The following DSCAM variants were observed in gnomAD, a reference collection of about 807,000 sequenced individuals.
DSCAM encodes the protein cell adhesion molecule DSCAM.
In DSCAM, 47 loss-of-function variants were observed where a neutral mutation model predicts 217.7. That is an observed-to-expected ratio of 0.22 (90% CI 0.17 to 0.28). The LOEUF (loss-of-function observed/expected upper bound fraction) is 0.28. DSCAM is among the 10% of genes least tolerant of loss of function. DSCAM has a pLI of 1.00. For synonymous variants in DSCAM, 1,056 were observed against 1,015.3 expected (o/e 1.04, Z -0.76); for missense variants, 2,080 against 2,618.3 (o/e 0.79, Z 4.49).
At chr21:40,412,466 G>T (rs1223578554) in intron 3 of DSCAM, among the ~76,000 whole-genome samples, 2 of 152,198 alleles carry the variant, frequency 1.3e-5, no homozygotes, top group Non-Finnish European at 2.9e-5. Flanking sequence ...ATGGAGATGA[G>T]GAACTTGTTG....
At chr21:40,415,739 A>AG (rs982257527) in intron 3 of DSCAM, among the ~76,000 whole-genome samples, 9 of 152,230 alleles carry the variant, frequency 5.9e-5, no homozygotes, top group Non-Finnish European at 1.3e-4. Flanking sequence ...CAGGCTCCCC[A>AG]GGGGGCCGGT....
At chr21:40,574,983 A>G (rs1165190818) in intron 3 of DSCAM, among the ~76,000 whole-genome samples, 1 of 151,960 alleles carries the variant, frequency 6.6e-6, no homozygotes, top group Non-Finnish European at 1.5e-5. Flanking sequence ...TCTGAGCCCA[A>G]GCTAAGCCAT....
intron 8 of DSCAM, among the ~76,000 whole-genome samples, chr21:40,319,923 A>G (rs1372696598): frequency 2.0e-5 from 3 of 152,240 alleles, no homozygotes; most frequent in East Asian, 1.9e-4. Context: ...GCTGGAAGCC[A>G]TTATCTTCCA....
At chr21:40,402,113 A>T in intron 3 of DSCAM, among the ~76,000 whole-genome samples, 1 of 119,828 alleles carries the variant, frequency 8.3e-6, no homozygotes, top group Middle Eastern at 8.2e-3. Flanking sequence ...GGGCTGGAGT[A>T]CAGTGGTGCC....
At chr21:40,611,057 A>ATTT (rs527262141) in intron 3 of DSCAM, among the ~76,000 whole-genome samples, 44 of 129,798 alleles carry the variant, frequency 3.4e-4, no homozygotes, top group Admixed American at 1.2e-3. Context: ...TTAGTTTTCA[A>ATTT]TTTTTTTTTT....
At chr21:40,657,821 G>A (rs1392603855) in intron 3 of DSCAM, among the ~76,000 whole-genome samples, 1 of 152,266 alleles carries the variant, frequency 6.6e-6, no homozygotes, top group African/African-American at 2.4e-5. Flanking sequence ...GTACCTGAGG[G>A]TGGGGGAGGC....
At chr21:40,657,407 C>T (rs2090088149) in intron 3 of DSCAM, among the ~76,000 whole-genome samples, 1 of 152,104 alleles carries the variant, frequency 6.6e-6, no homozygotes, top group Non-Finnish European at 1.5e-5. Flanking sequence ...AGCAAATAAA[C>T]CAGGGTACGA....
intron 20 of DSCAM, among the ~76,000 whole-genome samples, chr21:40,106,881 C>A (rs2089827835): frequency 7.1e-6 from 1 of 141,838 alleles, no homozygotes. Context: ...ATTATCCTAG[C>A]TAGTGGTCTA....
In DSCAM at chr21:40,433,585, G is replaced by C. The variant is rs185183592; in HGVS notation, c.509-64340C>G. Among the ~76,000 whole-genome samples, 188 of 152,304 alleles carry C rather than the reference G, an allele frequency of 1.2e-3. 2 individuals carry two copies. Among genetic ancestry groups the C allele is most frequent in the Admixed American group, 6.1e-3 (94 of 15,302 alleles). ...GGATTTGTTCACACTGTTGGCGGATGGCAGAGGTAGGATTTATTTTTTTCT... is the reference window on the plus strand; with the variant it reads ...GGATTTGTTCACACTGTTGGCGGATCGCAGAGGTAGGATTTATTTTTTTCT... On this transcript the variant is annotated intron_variant, in intron 3 of 32. Transcript: ENST00000400454.
intron 18 of DSCAM, among the ~76,000 whole-genome samples, chr21:40,139,523 T>A (rs977294792): frequency 1.3e-5 from 2 of 152,054 alleles, no homozygotes; most frequent in African/African-American, 4.8e-5. Flanking sequence ...AATATGCATC[T>A]ATCTCAGTGA....
intron 11 of DSCAM, among the ~76,000 whole-genome samples, chr21:40,248,310 G>C (rs2073255164): frequency 6.6e-6 from 1 of 152,100 alleles, no homozygotes; most frequent in African/African-American, 2.4e-5. Context: ...ACATTGTCAG[G>C]CTGCAAATTT....
chr21:40,191,081 G>C (rs1369823156), intron 11 of DSCAM, among the ~76,000 whole-genome samples: 1 of 152,142 alleles, frequency 6.6e-6, no homozygotes, highest in African/African-American at 2.4e-5. Context: ...TTGATTGCTT[G>C]CCTCGTAAGA....
chr21:40,287,581 T>A (rs1353951527), intron 10 of DSCAM, among the ~76,000 whole-genome samples: 1 of 152,176 alleles, frequency 6.6e-6, no homozygotes, highest in African/African-American at 2.4e-5. Flanking sequence ...TTCCCCTCCA[T>A]CTTGCATGGA....
At chr21:40,437,381 TAAC>T (rs2075592434) in intron 3 of DSCAM, among the ~76,000 whole-genome samples, 1 of 152,150 alleles carries the variant, frequency 6.6e-6, no homozygotes, top group South Asian at 2.1e-4. Context: ...ATAATAGTAA[TAAC>T]AATAGCCAAG....
At chr21:40,837,870 A>G (rs757057228) in intron 1 of DSCAM, among the ~76,000 whole-genome samples, 3 of 152,146 alleles carry the variant, frequency 2.0e-5, no homozygotes, top group East Asian at 1.9e-4. Flanking sequence ...AAGCATTGTT[A>G]TTTCTACCCT....
chr21:40,767,489 TA>T (rs2091403912), intron 1 of DSCAM, among the ~76,000 whole-genome samples: 1 of 152,324 alleles, frequency 6.6e-6, no homozygotes, highest in African/African-American at 2.4e-5. Flanking sequence ...TTTTCTTTTT[TA>T]GCGTGAGAAA....
chr21:40,659,109 C>T (rs1388035130), intron 3 of DSCAM, among the ~76,000 whole-genome samples: 2 of 152,092 alleles, frequency 1.3e-5, no homozygotes, highest in African/African-American at 4.8e-5. Context: ...AACGCTGCCC[C>T]CACAGATGTC....
intron 3 of DSCAM, among the ~76,000 whole-genome samples, chr21:40,687,577 C>T (rs189871641): frequency 3.9e-5 from 6 of 152,274 alleles, no homozygotes; most frequent in East Asian, 1.9e-4. Flanking sequence ...CATGAGAATA[C>T]GGCATCCAAT....
At chr21:40,428,904 G>A (rs1004163941) in intron 3 of DSCAM, among the ~76,000 whole-genome samples, 13 of 151,986 alleles carry the variant, frequency 8.6e-5, no homozygotes, top group African/African-American at 3.1e-4. Flanking sequence ...TATAATGAAA[G>A]TTGCATTAGT....
Sources: allele counts gnomAD v4.1 joint callset (sites outside exome capture counted in the v4.1 genomes callset), GRCh38; gene constraint gnomAD v4.1.1; transcripts MANE v1.5; gene names NCBI Gene and HGNC (gene_info 2026-07-23, HGNC 2026-07-21).